SREK1IP1: variants seen among roughly 807,000 people sequenced by gnomAD.
SREK1IP1 encodes the protein protein SREK1IP1.
In SREK1IP1, 12 loss-of-function variants were observed where a neutral mutation model predicts 22.8. That is an observed-to-expected ratio of 0.53 (90% CI 0.34 to 0.85). SREK1IP1 has a LOEUF of 0.85. Among genes scored for constraint, SREK1IP1 ranks in the 40% least tolerant of loss-of-function variants. The probability of loss-of-function intolerance (pLI) is 0.02; values close to 1 mark genes in which losing one functional copy is unlikely to be tolerated. For synonymous variants in SREK1IP1, 53 were observed against 52.7 expected, an observed-to-expected ratio of 1.01 and a Z score of -0.02; for missense variants, 147 against 171.8, an observed-to-expected ratio of 0.86 and a Z score of 0.81.
chr5:64,725,791 T>C (rs1296593376), intron 4 of SREK1IP1, among the ~76,000 whole-genome samples: 6 of 151,724 alleles, frequency 4.0e-5, no homozygotes, highest in African/African-American at 1.4e-4. Context: ...GGATTCTGAC[T>C]AAAGCTTCTT....
intron 2 of SREK1IP1, among the ~76,000 whole-genome samples, chr5:64,752,146 G>GT (rs869277379): frequency 0.013 from 803 of 61,022 alleles, 16 homozygotes; most frequent in Non-Finnish European, 0.018. Context: ...TTTTTTGTGT[G>GT]TTTTTTTTTT....
intron 3 of SREK1IP1, among the ~76,000 whole-genome samples, chr5:64,739,765 T>C (rs1232544960): frequency 6.6e-6 from 1 of 152,110 alleles, no homozygotes; most frequent in Non-Finnish European, 1.5e-5. Context: ...CCTGAAGCTG[T>C]ATATACTCAT....
At chr5:64,754,881 C>T (rs929980376) in intron 1 of SREK1IP1, 3 of 152,106 alleles carry the variant, frequency 2.0e-5, no homozygotes, top group Non-Finnish European at 4.4e-5. Flanking sequence ...AATTATTTGA[C>T]AAATACATCA....
intron 4 of SREK1IP1, 84 bp from the exon 5 acceptor site, chr5:64,724,657 C>T (rs1384322460): frequency 2.8e-6 from 3 of 1,086,442 alleles, no homozygotes; most frequent in East Asian, 5.0e-5. Context: ...GCCTTAAATT[C>T]TTCTTGGAGT....
intron 3 of SREK1IP1, among the ~76,000 whole-genome samples, chr5:64,730,847 CAA>C (rs1483604952): frequency 6.6e-6 from 1 of 152,070 alleles, no homozygotes; most frequent in East Asian, 1.9e-4. Context: ...ATAGAGAAGG[CAA>C]AGAGGTTCAT....
chr5:64,730,065 T>C (rs1236137908), intron 3 of SREK1IP1, among the ~76,000 whole-genome samples: 4 of 152,086 alleles, frequency 2.6e-5, no homozygotes, highest in African/African-American at 4.8e-5. Context: ...AGGAAGATTA[T>C]CTGCATCTTG....
chr5:64,735,912 T>C (rs1742454050), intron 3 of SREK1IP1, among the ~76,000 whole-genome samples: 1 of 152,166 alleles, frequency 6.6e-6, no homozygotes, highest in African/African-American at 2.4e-5. Context: ...GTGGGTTTAA[T>C]TTGTTCTTTC....
rs1554065460 is a variant in SREK1IP1 at position 64,752,144 on chromosome 5, G to GGTT, written c.61+2170_61+2171insAAC. Among the ~76,000 whole-genome samples, 505 of 85,376 alleles carry GGTT rather than the reference G, an allele frequency of 5.9e-3. 5 individuals carry two copies. The highest frequency in any genetic ancestry group is 8.6e-3 in the Non-Finnish European group (392 of 45,688). 56.0% of individuals were successfully genotyped at this position (85,376 alleles called of 152,430 possible). A position where few individuals can be genotyped will look rare whatever the true frequency, so the allele number is the denominator to read the frequency against. On this transcript the variant is annotated intron_variant, in intron 2 of 4. Transcript: ENST00000513458. ...CTCTTTTTCTGTGAATTTTTTTTGT[G>GGTT]TGTTTTTTTTTTTTTTTTTTTTTTT...
chr5:64,727,553 A>ATATTTTTTTTTT, intron 4 of SREK1IP1: 3 of 84,716 alleles, frequency 3.5e-5, no homozygotes, highest in African/African-American at 1.6e-4. Context: ...ATATATATAT[A>ATATTTTTTTTTT]TTTTTTTTTT....
intron 2 of SREK1IP1, among the ~76,000 whole-genome samples, chr5:64,747,756 G>A (rs927593986): frequency 4.6e-5 from 7 of 152,048 alleles, no homozygotes; most frequent in African/African-American, 9.6e-5. Flanking sequence ...GTGTAACCTC[G>A]TCTATACTAA....
intron 2 of SREK1IP1, among the ~76,000 whole-genome samples, chr5:64,749,585 C>T (rs564847048): frequency 5.9e-5 from 9 of 152,106 alleles, no homozygotes; most frequent in East Asian, 5.8e-4. Flanking sequence ...AACAGGTGCA[C>T]GCCACCGTGC....
chr5:64,754,352 C>G lies in SREK1IP1; in HGVS notation c.24G>C (p.Lys8Asn), dbSNP rs761062841. The change falls in exon 2 of 5, where the codon AAG (lysine) becomes AAC (asparagine). Residue 8 changes from lysine to asparagine, a missense_variant. Physicochemically the swap from Lys to Asn is moderately conservative, Grantham distance 94. Transcript: ENST00000513458. ...TTTTACAGCCTGCTCTGACACTGTCCTTGTTGCAACCTGAAATACAATTGG... is the reference window on the plus strand; with the variant it reads ...TTTTACAGCCTGCTCTGACACTGTCGTTGTTGCAACCTGAAATACAATTGG... Reference protein sequence around the residue: MAVPGCNKDSVRAGCKKC... With the variant: MAVPGCNNDSVRAGCKKC... 6.2e-7 allele frequency: 1 copy of G among 1,613,598 alleles called. No individual in the cohort carries two copies. The highest frequency in any genetic ancestry group is 1.7e-5 in the Admixed American group (1 of 60,022).
At chr5:64,761,134 T>C (rs1370055497) in intron 1 of SREK1IP1, among the ~76,000 whole-genome samples, 6 of 152,208 alleles carry the variant, frequency 3.9e-5, no homozygotes, top group Admixed American at 2.0e-4. Flanking sequence ...TTCATTCTTA[T>C]ACTTGCTAAA....
chr5:64,732,670 A>G (rs1260613010), intron 3 of SREK1IP1, among the ~76,000 whole-genome samples: 1 of 152,190 alleles, frequency 6.6e-6, no homozygotes, highest in Non-Finnish European at 1.5e-5. Context: ...TCAAAATCCT[A>G]GCAAAGCTTT....
At position 64,718,397 on chromosome 5, in the gene SREK1IP1, G is replaced by T. The variant is rs2112078129; in HGVS notation, c.*5987C>A. The T allele has an allele frequency of 6.3e-6, 1 of 158,376 alleles. No homozygotes were observed. The highest frequency in any genetic ancestry group is 2.0e-4 in the South Asian group (1 of 5,128). The allele number at this position is 158,376 out of a possible 1,614,324, so 9.8% of individuals were successfully genotyped here. On this transcript the variant is annotated 3_prime_UTR_variant, in exon 5 of 5. Transcript: ENST00000513458. ...TTACAGGCAGTTATTCTTATGAGAT[G>T]GTACTGGATAGGTAAATATCAAGGG...
intron 3 of SREK1IP1, among the ~76,000 whole-genome samples, chr5:64,733,181 C>G (rs1375520381): frequency 6.6e-6 from 1 of 151,976 alleles, no homozygotes; most frequent in East Asian, 1.9e-4. Flanking sequence ...GAAAACTGAT[C>G]AATTGGACTT....
At chr5:64,739,631 T>C (rs1483029796) in intron 3 of SREK1IP1, among the ~76,000 whole-genome samples, 1 of 152,162 alleles carries the variant, frequency 6.6e-6, no homozygotes. Flanking sequence ...TTTACTGCTA[T>C]TCCCTCCTAA....
chr5:64,733,818 G>A (rs553581752), intron 3 of SREK1IP1, among the ~76,000 whole-genome samples: 23 of 151,904 alleles, frequency 1.5e-4, no homozygotes, highest in South Asian at 2.1e-4. Context: ...AAAAAATAAC[G>A]AATTAGTCAG....
At position 64,753,188 on chromosome 5, in the gene SREK1IP1, T is replaced by C. The variant is rs185745783; in HGVS notation, c.61+1127A>G. Among the ~76,000 whole-genome samples, 357 of 152,320 alleles carry C rather than the reference T, an allele frequency of 2.3e-3. 1 individual carries two copies. Among genetic ancestry groups the C allele is most frequent in the African/African-American group, 7.5e-3 (311 of 41,564 alleles). On this transcript the variant is annotated intron_variant, in intron 2 of 4. Coordinates refer to ENST00000513458, the MANE Select transcript of SREK1IP1 (RefSeq NM_173829.4). ...AGAAGTCCAAGTATAGAGACTGATA[T>C]TAGTAGACAGACTGGGAAATCCATT...
Sources: gnomAD v4.1 joint callset for allele counts (sites outside exome capture counted in the v4.1 genomes callset) on GRCh38, gnomAD v4.1.1 for gene constraint, MANE v1.5 for transcripts, NCBI Gene and HGNC (gene_info 2026-07-23, HGNC 2026-07-21) for gene names.